The following CDH4 variants were observed in gnomAD, a reference collection of about 807,000 sequenced individuals.
The protein encoded by CDH4 is cadherin-4.
A neutral mutation model predicts 86.0 loss-of-function variants in CDH4; 33 were observed. The ratio of observed to expected loss-of-function variants is 0.38; its 90% CI spans 0.29 to 0.51. CDH4 has a LOEUF of 0.51. Among genes scored for constraint, CDH4 ranks in the 20% least tolerant of loss-of-function variants. CDH4 has a pLI of 0.86. For missense variants in CDH4, 1,114 were observed against 1,307.4 expected, an observed-to-expected ratio of 0.85 and a Z score of 2.28; for synonymous variants, 555 against 549.4, an observed-to-expected ratio of 1.01 and a Z score of -0.14.
rs138036589 is a variant in CDH4 at position 61,307,581 on chromosome 20, C to T, written c.169+52644C>T. The stretch of plus-strand genomic sequence containing the variant: ...GAACCTAGCTGGGCAGGCTGGACCT[C>T]GAAGAAGTCCCTGCCCCATCCACCT... On this transcript the variant is annotated intron_variant, in intron 2 of 15. Coordinates refer to ENST00000614565, the MANE Select transcript of CDH4 (RefSeq NM_001794.5). Among the ~76,000 whole-genome samples the T allele has an allele frequency of 5.4e-3, 830 of 152,364 alleles. 12 individuals are homozygous for T. Among genetic ancestry groups the T allele is most frequent in the Middle Eastern group, 0.02 (6 of 294 alleles).
intron 4 of CDH4, among the ~76,000 whole-genome samples, chr20:61,802,029 T>C (rs1356672210): frequency 6.6e-6 from 1 of 152,242 alleles, no homozygotes; most frequent in Non-Finnish European, 1.5e-5. Flanking sequence ...GACCTGTAAG[T>C]GGCGCAAGAG....
chr20:61,769,347 C>G (rs1205264232), intron 3 of CDH4, among the ~76,000 whole-genome samples: 1 of 152,194 alleles, frequency 6.6e-6, no homozygotes, highest in Non-Finnish European at 1.5e-5. Context: ...GTCCTGGGAC[C>G]AGCCTGGGAG....
At chr20:61,711,328 T>C (rs375066340) in intron 2 of CDH4, among the ~76,000 whole-genome samples, 16 of 152,304 alleles carry the variant, frequency 1.1e-4, no homozygotes, top group African/African-American at 2.2e-4. Flanking sequence ...TTAAACCTCT[T>C]CCCTTTACAA....
At chr20:61,357,918 C>T (rs560384091) in intron 2 of CDH4, among the ~76,000 whole-genome samples, 24 of 152,152 alleles carry the variant, frequency 1.6e-4, no homozygotes, top group African/African-American at 5.3e-4. Context: ...CCTACAACAC[C>T]GACATAATTA....
chr20:61,400,671 T>C (rs2085044600), intron 2 of CDH4, among the ~76,000 whole-genome samples: 1 of 152,188 alleles, frequency 6.6e-6, no homozygotes, highest in African/African-American at 2.4e-5. Flanking sequence ...ATGAGCCCCC[T>C]GGGAGCAGTC....
Position 61,939,691 on chromosome 20 carries a change from A to G in CDH4, c.*2748A>G, listed in dbSNP as rs960964717. On this transcript the variant is annotated 3_prime_UTR_variant, in exon 16 of 16. Coordinates refer to ENST00000614565, the MANE Select transcript of CDH4 (RefSeq NM_001794.5). The stretch of plus-strand genomic sequence containing the variant: ...ACTCCCACTGGAGGCCGGGAGGCCA[A>G]TGCTGGCCAGGTGCGAGGGCATGGT... 8.5e-5 allele frequency: 13 copies of G among 152,314 alleles called. No individual in the cohort carries two copies. Among genetic ancestry groups the G allele is most frequent in the Admixed American group, 2.0e-4 (3 of 15,292 alleles). The allele number at this position is 152,314 out of a possible 1,614,324, so 9.4% of individuals were successfully genotyped here.
intron 2 of CDH4, among the ~76,000 whole-genome samples, chr20:61,440,151 T>C (rs1471325069): frequency 6.6e-6 from 1 of 152,188 alleles, no homozygotes; most frequent in Non-Finnish European, 1.5e-5. Context: ...GAAACTGCTA[T>C]CAAGAAAGTG....
chr20:61,508,831 G>A (rs754685269), intron 2 of CDH4, among the ~76,000 whole-genome samples: 5 of 152,198 alleles, frequency 3.3e-5, no homozygotes, highest in Admixed American at 1.3e-4. Context: ...CTAACTTCCC[G>A]CTTGGAGCCC....
chr20:61,401,275 C>T (rs2085048008), intron 2 of CDH4, among the ~76,000 whole-genome samples: 1 of 152,200 alleles, frequency 6.6e-6, no homozygotes, highest in South Asian at 2.1e-4. Flanking sequence ...ATAAGTAGCC[C>T]ATGGGTCTTT....
chr20:61,455,413 T>C (rs1407370767), intron 2 of CDH4, among the ~76,000 whole-genome samples: 1 of 152,214 alleles, frequency 6.6e-6, no homozygotes, highest in East Asian at 1.9e-4. Flanking sequence ...ATTCTCTGAA[T>C]TGGTGAAGAG....
chr20:61,507,222 A>G (rs1179951935), intron 2 of CDH4, among the ~76,000 whole-genome samples: 1 of 152,220 alleles, frequency 6.6e-6, no homozygotes, highest in Non-Finnish European at 1.5e-5. Context: ...TAGTTTTTCT[A>G]AAAGCTAGAA....
chr20:61,565,100 GCTCTTGGTGGT>G (rs2086258542), intron 2 of CDH4, among the ~76,000 whole-genome samples: 1 of 116,864 alleles, frequency 8.6e-6, no homozygotes, highest in Non-Finnish European at 1.9e-5. Context: ...TCTTGGTGGT[GCTCTTGGTGGT>G]GCTGGTGCTC....
intron 2 of CDH4, among the ~76,000 whole-genome samples, chr20:61,643,719 A>G (rs2087034146): frequency 6.6e-6 from 1 of 152,194 alleles, no homozygotes; most frequent in African/African-American, 2.4e-5. Flanking sequence ...TTGATCAGCA[A>G]TGCTGTACAC....
At chr20:61,867,756 T>G (rs1308483604) in intron 6 of CDH4, among the ~76,000 whole-genome samples, 1 of 152,072 alleles carries the variant, frequency 6.6e-6, no homozygotes. Flanking sequence ...TTAAAGCCAT[T>G]ACTGTCTTGA....
intron 2 of CDH4, among the ~76,000 whole-genome samples, chr20:61,526,605 G>A (rs1337823959): frequency 4.0e-5 from 6 of 149,092 alleles, no homozygotes; most frequent in South Asian, 4.3e-4. Context: ...CCACTAACTC[G>A]TCATCTAGCA....
intron 2 of CDH4, 23 bp downstream of exon 2, chr20:61,254,960 G>T: frequency 7.5e-7 from 1 of 1,327,806 alleles, no homozygotes; most frequent in South Asian, 1.2e-5. Context: ...GTGGAGGGGT[G>T]GGAGTGAATT....
Position 61,490,221 on chromosome 20 carries a change from C to G in CDH4, c.169+235284C>G, listed in dbSNP as rs189316070. 1.9e-3 allele frequency among the ~76,000 whole-genome samples: 296 copies of G among 152,270 alleles called. 1 individual carries two copies. Among genetic ancestry groups the G allele is most frequent in the African/African-American group, 6.8e-3 (284 of 41,544 alleles). ...CAAAAACTGGAAACAGCCCAGGTGACCCACAACATACTGGGGTTCATCCAT... is the reference window on the plus strand; with the variant it reads ...CAAAAACTGGAAACAGCCCAGGTGAGCCACAACATACTGGGGTTCATCCAT... On this transcript the variant is annotated intron_variant, in intron 2 of 15. Coordinates refer to ENST00000614565, the MANE Select transcript of CDH4 (RefSeq NM_001794.5).
chr20:61,350,584 A>G (rs986687460), intron 2 of CDH4, among the ~76,000 whole-genome samples: 2 of 150,506 alleles, frequency 1.3e-5, no homozygotes, highest in South Asian at 4.2e-4. Flanking sequence ...ACAGTGCTGC[A>G]GAGGCCAGCG....
At chr20:61,504,270 C>G (rs900360394) in intron 2 of CDH4, among the ~76,000 whole-genome samples, 2 of 152,226 alleles carry the variant, frequency 1.3e-5, no homozygotes, top group Admixed American at 6.5e-5. Context: ...CTTCCTATGG[C>G]TGAGGCTGGC....
Sources: allele counts gnomAD v4.1 joint callset (sites outside exome capture counted in the v4.1 genomes callset), GRCh38; gene constraint gnomAD v4.1.1; transcripts MANE v1.5; gene names NCBI Gene and HGNC (gene_info 2026-07-23, HGNC 2026-07-21).